Variants in UST observed in about 807,000 individuals in gnomAD.
UST encodes the protein uronyl 2-sulfotransferase, also known as chondroitin sulfate 2-O-sulfotransferase.
In UST, 21 loss-of-function variants were observed where a neutral mutation model predicts 45.6. The observed-to-expected ratio is 0.46, with a 90% CI of 0.33 to 0.66. UST has a LOEUF of 0.66. UST is among the 30% of genes least tolerant of loss of function. The probability of loss-of-function intolerance (pLI) is 0.02; values close to 1 mark genes in which losing one functional copy is unlikely to be tolerated. For missense variants in UST, 463 were observed against 512.4 expected, an observed-to-expected ratio of 0.90 and a Z score of 0.93; for synonymous variants, 215 against 200.6, an observed-to-expected ratio of 1.07 and a Z score of -0.61.
At chr6:148,966,350 A>G (rs1780797676) in intron 5 of UST, among the ~76,000 whole-genome samples, 1 of 151,662 alleles carries the variant, frequency 6.6e-6, no homozygotes, top group Admixed American at 6.6e-5. Flanking sequence ...TGTCTTCTCT[A>G]ATTATCTTTA....
chr6:148,753,042 T>A (rs1371558649), intron 1 of UST, among the ~76,000 whole-genome samples: 3 of 152,222 alleles, frequency 2.0e-5, no homozygotes, highest in Non-Finnish European at 2.9e-5. Flanking sequence ...TCACAAAAAT[T>A]CTTATTTGCA....
At chr6:149,056,117 C>CTTTTCTTTT (rs1562341621) in intron 7 of UST, among the ~76,000 whole-genome samples, 85 of 81,028 alleles carry the variant, frequency 1.0e-3, no homozygotes, top group East Asian at 1.9e-3. Flanking sequence ...CTTTTCTTTT[C>CTTTTCTTTT]TTTTTTTTTT....
rs557367511 is a variant in UST at position 149,044,077 on chromosome 6, G to A, written c.937+22596G>A. 2.1e-3 allele frequency among the ~76,000 whole-genome samples: 321 copies of A among 152,216 alleles called. 2 individuals carry two copies. Among genetic ancestry groups the A allele is most frequent in the Admixed American group, 7.3e-3 (111 of 15,298 alleles). On this transcript the variant is annotated intron_variant, in intron 7 of 7. Transcript: ENST00000367463. The stretch of plus-strand genomic sequence containing the variant: ...AGTTTCACAGCCTTTAAGTGACTAG[G>A]GTACATCACTTTTAAGATGTTTTTC...
intron 7 of UST, among the ~76,000 whole-genome samples, chr6:149,038,369 T>A (rs1374114864): frequency 2.0e-5 from 3 of 148,666 alleles, no homozygotes; most frequent in South Asian, 4.5e-4. Context: ...TCCAATGACT[T>A]GTGCCCTTAA....
chr6:149,073,714 G>T, intron 7 of UST, 119 bp from the exon 8 acceptor site: 1 of 1,143,090 alleles, frequency 8.7e-7, no homozygotes, highest in Non-Finnish European at 1.2e-6. Flanking sequence ...TCTAATACTT[G>T]GATATGCAGT....
intron 5 of UST, among the ~76,000 whole-genome samples, chr6:148,968,994 A>G (rs1248543270): frequency 1.3e-5 from 2 of 152,282 alleles, no homozygotes; most frequent in Admixed American, 1.3e-4. Flanking sequence ...TAATTCATAA[A>G]GAATTCAGTG....
At chr6:148,864,252 A>G (rs988124951) in intron 1 of UST, among the ~76,000 whole-genome samples, 1 of 152,200 alleles carries the variant, frequency 6.6e-6, no homozygotes, top group Non-Finnish European at 1.5e-5. Flanking sequence ...TCGATCTCAT[A>G]CTGCTGTGCT....
chr6:148,841,796 A>G (rs1306700729), intron 1 of UST, among the ~76,000 whole-genome samples: 1 of 152,224 alleles, frequency 6.6e-6, no homozygotes, highest in African/African-American at 2.4e-5. Flanking sequence ...CAGTACATTA[A>G]TCATGTGTCA....
chr6:148,977,174 G>GT (rs1261826917), intron 5 of UST, among the ~76,000 whole-genome samples: 2 of 151,270 alleles, frequency 1.3e-5, no homozygotes, highest in African/African-American at 4.9e-5. Flanking sequence ...AGAGGGATCT[G>GT]TTTTTTCTTT....
intron 1 of UST, among the ~76,000 whole-genome samples, chr6:148,801,368 T>C (rs550961702): frequency 2.0e-5 from 3 of 152,214 alleles, no homozygotes; most frequent in Admixed American, 6.5e-5. Context: ...ACATCTTTGA[T>C]CTGAGACCAC....
intron 1 of UST, among the ~76,000 whole-genome samples, chr6:148,793,322 A>G (rs1411199515): frequency 6.6e-6 from 1 of 152,162 alleles, no homozygotes; most frequent in Non-Finnish European, 1.5e-5. Flanking sequence ...TGTGAAACAC[A>G]TAAAGAAACG....
intron 6 of UST, 130 bp downstream of exon 6, chr6:149,019,366 C>G: frequency 1.5e-6 from 1 of 680,094 alleles, no homozygotes; most frequent in South Asian, 1.8e-5. Flanking sequence ...TTCCTGTTTA[C>G]TATTAATCTT....
intron 5 of UST, among the ~76,000 whole-genome samples, chr6:148,989,879 T>G (rs1381223089): frequency 1.3e-5 from 2 of 152,238 alleles, no homozygotes; most frequent in Admixed American, 1.3e-4. Flanking sequence ...GATAATCAAA[T>G]GAGTTTTCCT....
intron 1 of UST, among the ~76,000 whole-genome samples, chr6:148,770,863 CACAGGGAAGCATATTTCAGCAAA>C (rs1340070908): frequency 6.6e-6 from 1 of 152,022 alleles, no homozygotes; most frequent in East Asian, 1.9e-4. Flanking sequence ...CGCCTCATGC[CACAGGGAAGCATATTTCAGCAAA>C]ATACTGAAAT....
chr6:149,052,968 A>G (rs894128600), intron 7 of UST, among the ~76,000 whole-genome samples: 1 of 152,194 alleles, frequency 6.6e-6, no homozygotes, highest in Non-Finnish European at 1.5e-5. Context: ...CAAACAATCC[A>G]AGGAATACTC....
rs112973476 is a variant in UST at position 148,876,266 on chromosome 6, G to C, written c.248-10720G>C. ...TCCCACAAGAACTCACTACCACAAGGACAGCACCAAGCCAGGAGGGATCCA... is the reference window on the plus strand; with the variant it reads ...TCCCACAAGAACTCACTACCACAAGCACAGCACCAAGCCAGGAGGGATCCA... On this transcript the variant is annotated intron_variant, in intron 1 of 7. Transcript: ENST00000367463. Among the ~76,000 whole-genome samples, 32 of 152,072 alleles carry C rather than the reference G, an allele frequency of 2.1e-4. 1 individual carries two copies. The highest frequency in any genetic ancestry group is 3.4e-3 in the Middle Eastern group (1 of 294).
chr6:149,021,361 A>C lies in UST; in HGVS notation c.817A>C (p.Asn273His). 1 of 1,614,062 alleles carries C rather than the reference A, an allele frequency of 6.2e-7. No homozygotes were observed. Among genetic ancestry groups the C allele is most frequent in the Non-Finnish European group, 8.5e-7 (1 of 1,179,946 alleles). Residue 273 changes from asparagine to histidine, a missense_variant, in exon 7 of 8, where the codon AAC becomes CAC. This residue lies in a region of UST where 287 missense variants were observed against 374.2 expected (regional missense o/e 0.77). Transcript: ENST00000367463. The part of the protein sequence containing the change: ...GEWALERAKL[N>H]VNENFLLVGI... ...ATGGGCCCTTGAGAGAGCAAAGCTGAACGTGAATGAAAACTTCCTGCTCGT... is the reference window on the plus strand; with the variant it reads ...ATGGGCCCTTGAGAGAGCAAAGCTGCACGTGAATGAAAACTTCCTGCTCGT...
intron 5 of UST, among the ~76,000 whole-genome samples, chr6:148,993,977 T>G (rs1582948929): frequency 1.0e-5 from 1 of 96,020 alleles, no homozygotes; most frequent in Non-Finnish European, 2.3e-5. Flanking sequence ...TTTTTTTTTT[T>G]TTTTTTTGTT....
At chr6:149,069,212 C>A (rs1776785604) in intron 7 of UST, among the ~76,000 whole-genome samples, 1 of 152,208 alleles carries the variant, frequency 6.6e-6, no homozygotes, top group South Asian at 2.1e-4. Context: ...CATGCAAGTG[C>A]AGGTATCCCT....
Sources: gnomAD v4.1 joint callset for allele counts (sites outside exome capture counted in the v4.1 genomes callset) on GRCh38, gnomAD v4.1.1 for gene constraint, gnomAD v4.1.1 regional missense constraint, MANE v1.5 for transcripts, NCBI Gene and HGNC (gene_info 2026-07-23, HGNC 2026-07-21) for gene names.